Variants in DSCAML1 observed in about 807,000 individuals in gnomAD.
DSCAML1 encodes the protein DS cell adhesion molecule like 1, also known as cell adhesion molecule DSCAML1.
A neutral mutation model predicts 200.5 loss-of-function variants in DSCAML1; 38 were observed. The ratio of observed to expected loss-of-function variants is 0.19; its 90% CI spans 0.15 to 0.25. DSCAML1 has a LOEUF of 0.25. DSCAML1 is among the 10% of genes least tolerant of loss of function. DSCAML1 has a pLI of 1.00. For missense variants in DSCAML1, 2,223 were observed against 2,858.8 expected (o/e 0.78, Z 5.07); for synonymous variants, 1,215 against 1,165.0 (o/e 1.04, Z -0.87).
At chr11:117,441,724 G>A (rs1363623296) in intron 21 of DSCAML1, among the ~76,000 whole-genome samples, 3 of 152,112 alleles carry the variant, frequency 2.0e-5, no homozygotes, top group African/African-American at 4.8e-5. Context: ...TGGCGTGGGG[G>A]TGGGCTCCTG....
intron 3 of DSCAML1, among the ~76,000 whole-genome samples, chr11:117,673,571 C>A (rs1162982540): frequency 2.0e-5 from 3 of 152,208 alleles, no homozygotes; most frequent in Non-Finnish European, 4.4e-5. Flanking sequence ...GGAAGCAAAT[C>A]AGAGAGATGA....
chr11:117,463,177 A>G lies in DSCAML1; in HGVS notation c.3266-1581T>C, dbSNP rs1236275288. On this transcript the variant is annotated intron_variant, in intron 17 of 32. Transcript: ENST00000651296. This position sits in a 1 kb window ranked among gnomAD's most constrained non-coding sequence, Gnocchi z 4.0. ...AAGGGAGGCACAAGGTGAAGCAGGA[A>G]GGCTATGGGAATCAGAGATTTTGAT... 2.6e-5 allele frequency among the ~76,000 whole-genome samples: 4 copies of G among 152,184 alleles called. No homozygotes were observed. Among genetic ancestry groups the G allele is most frequent in the African/African-American group, 9.7e-5 (4 of 41,450 alleles).
chr11:117,475,994 G>A (rs80346748), intron 14 of DSCAML1, among the ~76,000 whole-genome samples: 2 of 152,136 alleles, frequency 1.3e-5, no homozygotes, highest in Non-Finnish European at 2.9e-5. Context: ...GAGACCAGGG[G>A]CCCTATTTTC....
At chr11:117,622,772 C>T (rs1032343177) in intron 3 of DSCAML1, among the ~76,000 whole-genome samples, 4 of 152,168 alleles carry the variant, frequency 2.6e-5, no homozygotes, top group Non-Finnish European at 5.9e-5. Flanking sequence ...TTTTGGTGCT[C>T]CTCGTTCTCC....
intron 3 of DSCAML1, among the ~76,000 whole-genome samples, chr11:117,688,166 T>C (rs1332868338): frequency 6.6e-6 from 1 of 152,200 alleles, no homozygotes; most frequent in Non-Finnish European, 1.5e-5. Context: ...GAATGGTGTC[T>C]GGGAAGATAA....
chr11:117,440,788 G>A (rs1297050375), intron 21 of DSCAML1, among the ~76,000 whole-genome samples: 3 of 152,076 alleles, frequency 2.0e-5, no homozygotes, highest in African/African-American at 7.2e-5. Context: ...GGGCACGATG[G>A]CAGGTGCCTG....
At chr11:117,453,318 A>G (rs1460018877) in intron 19 of DSCAML1, among the ~76,000 whole-genome samples, 1 of 152,194 alleles carries the variant, frequency 6.6e-6, no homozygotes, top group Non-Finnish European at 1.5e-5. Context: ...AGATTTACCC[A>G]TACATTCAGC....
intron 3 of DSCAML1, among the ~76,000 whole-genome samples, chr11:117,607,004 C>A (rs1331773465): frequency 6.6e-6 from 1 of 152,210 alleles, no homozygotes; most frequent in South Asian, 2.1e-4. Context: ...CACAGCCCTG[C>A]CCTTGGGAGA....
intron 3 of DSCAML1, among the ~76,000 whole-genome samples, chr11:117,700,380 T>C (rs1203802013): frequency 6.6e-6 from 1 of 152,158 alleles, no homozygotes; most frequent in Non-Finnish European, 1.5e-5. Flanking sequence ...CATCACATCC[T>C]ATCCTATCCT....
upstream of DSCAML1, among the ~76,000 whole-genome samples, chr11:117,799,535 G>A (rs2055637719): frequency 6.6e-6 from 1 of 152,250 alleles, no homozygotes; most frequent in South Asian, 2.1e-4. Context: ...GCCGGTGACT[G>A]CAGTCTGGCT....
Position 117,505,918 on chromosome 11 carries a change from C to T in DSCAML1, c.1784-186G>A, listed in dbSNP as rs1175836541. 6.6e-6 allele frequency among the ~76,000 whole-genome samples: 1 copy of T among 152,200 alleles called. No homozygotes were observed. The highest frequency in any genetic ancestry group is 2.4e-5 in the African/African-American group (1 of 41,452). ...GATGCCTGGCTCCTGTCCCTCTGCC[C>T]GCCCAGGCTGGGACCCACTGTCTCT... On this transcript the variant is annotated intron_variant, in intron 8 of 32. Coordinates refer to ENST00000651296, the MANE Select transcript of DSCAML1 (RefSeq NM_020693.4). This position sits in a 1 kb window ranked among gnomAD's most constrained non-coding sequence, Gnocchi z 6.7.
In DSCAML1 at chr11:117,776,890, G is replaced by A. The variant is rs143374965; in HGVS notation, c.412C>T (p.Arg138Cys). ...CACTTGAAGACGGCCACGTTGCCAC[G>A]CATTGACCTTTGATCCTCCACCCGG... is the stretch of plus-strand genomic sequence containing the variant. ...TVRVEDQRSM[R>C]GNVAVFKCLI... Residue 138 changes from arginine to cysteine, a missense_variant, in exon 3 of 33, where the codon CGT becomes TGT. Coordinates refer to ENST00000651296, the MANE Select transcript of DSCAML1 (RefSeq NM_020693.4). The A allele has an allele frequency of 9.4e-5, 152 of 1,614,012 alleles. No individual in the cohort carries two copies. Among genetic ancestry groups the A allele is most frequent in the Admixed American group, 2.2e-4 (13 of 60,010 alleles).
chr11:117,678,041 A>G (rs1011642937), intron 3 of DSCAML1, among the ~76,000 whole-genome samples: 2 of 152,236 alleles, frequency 1.3e-5, no homozygotes, highest in Non-Finnish European at 2.9e-5. Context: ...CTGCATGGGG[A>G]GCAGTGCAGT....
At chr11:117,795,309 T>C (rs1172658330) in intron 1 of DSCAML1, among the ~76,000 whole-genome samples, 7 of 151,970 alleles carry the variant, frequency 4.6e-5, no homozygotes, top group Admixed American at 3.3e-4. Context: ...CGAAAGGGGA[T>C]GGGGGTTGGA....
intron 3 of DSCAML1, among the ~76,000 whole-genome samples, chr11:117,635,553 C>T (rs976038418): frequency 3.3e-4 from 49 of 146,748 alleles, no homozygotes; most frequent in Admixed American, 3.4e-4. Flanking sequence ...AAGGAGGGGA[C>T]GAGGCTCAGA....
chr11:117,455,115 T>C (rs1278262706), intron 19 of DSCAML1, among the ~76,000 whole-genome samples: 1 of 152,228 alleles, frequency 6.6e-6, no homozygotes, highest in Non-Finnish European at 1.5e-5. Flanking sequence ...GCTAGCTTTA[T>C]GATGCCTTCA....
At chr11:117,698,603 T>C (rs1474727271) in intron 3 of DSCAML1, among the ~76,000 whole-genome samples, 1 of 152,186 alleles carries the variant, frequency 6.6e-6, no homozygotes, top group East Asian at 1.9e-4. Context: ...TTTCTTTAAA[T>C]AGTAGTCATT....
intron 19 of DSCAML1, among the ~76,000 whole-genome samples, chr11:117,455,392 A>C (rs2048352424): frequency 6.6e-6 from 1 of 152,078 alleles, no homozygotes; most frequent in South Asian, 2.1e-4. Context: ...TTCCTAAAAC[A>C]TGGGTCTAGT....
At chr11:117,447,139 T>G (rs117580094) in intron 20 of DSCAML1, among the ~76,000 whole-genome samples, 2,238 of 152,134 alleles carry the variant, frequency 0.015, 24 homozygotes, top group South Asian at 0.022. Context: ...AATACAAATA[T>G]TAGCCAGGCG....
Sources: allele counts gnomAD v4.1 joint callset (sites outside exome capture counted in the v4.1 genomes callset), GRCh38; gene constraint gnomAD v4.1.1; non-coding constraint Gnocchi (gnomAD v3.1); transcripts MANE v1.5; gene names NCBI Gene and HGNC (gene_info 2026-07-23, HGNC 2026-07-21).